The following TUB variants were observed in gnomAD, a reference collection of about 807,000 sequenced individuals.
TUB encodes the protein tubby protein homolog.
TUB carries 33 observed loss-of-function variants against 59.7 expected under a neutral mutation model. That is an observed-to-expected ratio of 0.55 (90% CI 0.42 to 0.74). The LOEUF is 0.74. Ranked by LOEUF, TUB falls within the 30% of genes least tolerant of loss-of-function variation. The probability of loss-of-function intolerance (pLI) is 0.00; values close to 1 mark genes in which losing one functional copy is unlikely to be tolerated. For missense variants in TUB, 659 were observed against 672.0 expected (o/e 0.98, Z 0.21); for synonymous variants, 293 against 256.4 (o/e 1.14, Z -1.36).
At chr11:8,032,103 C>G in intron 1 of TUB, among the ~76,000 whole-genome samples, 1 of 151,906 alleles carries the variant, frequency 6.6e-6, no homozygotes, top group South Asian at 2.1e-4. Context: ...GGTGAGTGTC[C>G]CGCCTGGGGA....
At chr11:8,077,528 A>G (rs1427042138), upstream of TUB, 2 of 152,254 alleles carry the variant, frequency 1.3e-5, no homozygotes, top group Non-Finnish European at 2.9e-5. Context: ...ACCCTAGCAC[A>G]GTGCCCGGTC....
At chr11:8,089,728 G>A in intron 2 of TUB, 67 bp downstream of exon 2, 1 of 1,591,932 alleles carries the variant, frequency 6.3e-7, no homozygotes, top group Admixed American at 1.7e-5. Flanking sequence ...CAGAGGGGCA[G>A]GGCTGTCCAT....
In TUB at chr11:8,019,345, TG is replaced by T; in HGVS notation, c.45del (p.Trp15Ter). ...CCACCGGACCCTGTCTTACAGCCGC[TG>T]GAGCTATGACAGGTAGGGCGCCCGA... On this transcript the variant is annotated frameshift_variant, in exon 1 of 12. Coordinates refer to the TUB transcript ENST00000534099. LOFTEE classifies it high-confidence loss of function. The T allele has an allele frequency of 7.8e-7, 1 of 1,276,778 alleles. No homozygotes were observed. 79.1% of individuals were successfully genotyped at this position (1,276,778 alleles called of 1,614,324 possible).
chr11:8,058,019 G>A (rs1270626762), intron 2 of TUB, among the ~76,000 whole-genome samples: 1 of 151,944 alleles, frequency 6.6e-6, no homozygotes, highest in African/African-American at 2.4e-5. Flanking sequence ...AGACCAGCCT[G>A]GGCAACATGG....
intron 2 of TUB, among the ~76,000 whole-genome samples, chr11:8,047,425 G>C (rs1942852303): frequency 6.6e-6 from 1 of 152,174 alleles, no homozygotes; most frequent in Admixed American, 6.5e-5. Context: ...AACGTATCTT[G>C]CTTAGCTCAG....
At chr11:8,056,793 G>A (rs73396753) in intron 2 of TUB, among the ~76,000 whole-genome samples, 1,563 of 152,096 alleles carry the variant, frequency 0.01, 22 homozygotes, top group African/African-American at 0.033. Context: ...GATGTGGTTT[G>A]GGAGGGTGAG....
At chr11:8,052,651 A>G (rs1472671717) in intron 2 of TUB, among the ~76,000 whole-genome samples, 1 of 151,628 alleles carries the variant, frequency 6.6e-6, no homozygotes, top group Admixed American at 6.6e-5. Flanking sequence ...TTGTTTTTGT[A>G]TTTTTAGTAG....
chr11:8,061,014 G>A (rs1173705146), intron 2 of TUB, among the ~76,000 whole-genome samples: 1 of 152,212 alleles, frequency 6.6e-6, no homozygotes, highest in Non-Finnish European at 1.5e-5. Context: ...CCTGCTGGCT[G>A]GCTCGTCCCC....
Position 8,064,041 on chromosome 11 carries a change from G to A in TUB, c.203+24349G>A, listed in dbSNP as rs533861483. Among the ~76,000 whole-genome samples, 11 of 152,278 alleles carry A rather than the reference G, an allele frequency of 7.2e-5. No individual in the cohort carries two copies. In the East Asian group the frequency reaches 1.4e-3, roughly 19 times the overall value. ...TGTCCCACAGGGATATGGCAGGATC[G>A]GTTCTGAGTCTAAGAGCTGGATCAG... On this transcript the variant is annotated intron_variant, in intron 2 of 12. Transcript: ENST00000305253.
At chr11:8,062,512 TGTGC>T (rs1298710020) in intron 2 of TUB, among the ~76,000 whole-genome samples, 1 of 12,242 alleles carries the variant, frequency 8.2e-5, no homozygotes, top group Non-Finnish European at 1.8e-4. Flanking sequence ...TGAAGGTTTG[TGTGC>T]GTGTGTGTGT....
rs142823236 is a variant in TUB at position 8,090,185 on chromosome 11, C to T, written c.207C>T (p.Pro69=). Residue 69 remains proline (P), a synonymous_variant, in exon 3 of 12, where the codon CCC becomes CCT. Transcript: ENST00000299506. ...CCCGGCAGTCAGAGGAACAAGCCCC[C>T]CTGGTGGAGTCCTACCTCAGCAGCA... The part of the protein sequence containing the change: ...RRARQSEEQA[P]LVESYLSSSG... 148 of 1,613,670 alleles carry T rather than the reference C, an allele frequency of 9.2e-5. No individual in the cohort carries two copies. Among genetic ancestry groups the T allele is most frequent in the Non-Finnish European group, 1.2e-4 (136 of 1,179,984 alleles).
upstream of TUB, among the ~76,000 whole-genome samples, chr11:8,080,123 G>C (rs1475382108): frequency 6.6e-6 from 1 of 152,210 alleles, no homozygotes; most frequent in Non-Finnish European, 1.5e-5. Context: ...CCCCTTGGCT[G>C]TTCTCACACT....
chr11:8,069,576 A>G (rs902899370), intron 2 of TUB, among the ~76,000 whole-genome samples: 1 of 152,056 alleles, frequency 6.6e-6, no homozygotes, highest in Non-Finnish European at 1.5e-5. Context: ...TGCTCCTCTC[A>G]TTAGCCGTCA....
At position 8,089,674 on chromosome 11, in the gene TUB, G is replaced by A; in HGVS notation, c.90+13G>A. 3 of 1,614,168 alleles carry A rather than the reference G, an allele frequency of 1.9e-6. No homozygotes were observed. Among genetic ancestry groups the A allele is most frequent in the Non-Finnish European group, 2.5e-6 (3 of 1,180,010 alleles). On this transcript the variant is annotated intron_variant, in intron 2 of 11. Transcript: ENST00000299506. ...GCTTGATCGGCAGGTGAGTAGGCCT[G>A]GGGCCGGGTAGAAGGGAAGAGTCTG...
chr11:8,075,428 T>C (rs193011604), intron 2 of TUB: 2 of 152,322 alleles, frequency 1.3e-5, no homozygotes, highest in East Asian at 3.9e-4. Context: ...AGTTGCTTCA[T>C]TTGTAAAATG....
Position 8,105,858 on chromosome 11 carries a change from C to T in TUB, c.*4239C>T, listed in dbSNP as rs1944570367. ...AGATGAGGCTGAGATCCAGAGTTTC[C>T]TAGAACGCAACTTAGGATGGCTAGG... On this transcript the variant is annotated 3_prime_UTR_variant, in exon 12 of 12. Coordinates refer to ENST00000299506, the MANE Select transcript of TUB (RefSeq NM_177972.3). 6.6e-6 allele frequency: 1 copy of T among 152,134 alleles called. No individual in the cohort carries two copies. Among genetic ancestry groups the T allele is most frequent in the African/African-American group, 2.4e-5 (1 of 41,430 alleles). 9.4% of individuals were successfully genotyped at this position (152,134 alleles called of 1,614,324 possible).
chr11:8,101,456 TTC>T, intron 11 of TUB, 28 bp from the exon 12 acceptor site: 1 of 1,600,134 alleles, frequency 6.2e-7, no homozygotes, highest in Non-Finnish European at 8.5e-7. Context: ...TCCTGTCCTT[TTC>T]TCTGTCTGTG....
intron 11 of TUB, 24 bp from the exon 12 acceptor site, chr11:8,101,459 TCTG>T: frequency 9.7e-7 from 1 of 1,028,688 alleles, no homozygotes. Flanking sequence ...TGTCCTTTTC[TCTG>T]TCTGTGCCTG....
At chr11:8,022,900 CA>C (rs1185969653) in intron 1 of TUB, among the ~76,000 whole-genome samples, 2 of 152,058 alleles carry the variant, frequency 1.3e-5, no homozygotes, top group Admixed American at 6.6e-5. Context: ...GTCTCAAAAA[CA>C]AAACAAAACA....
Sources: gnomAD v4.1 joint callset for allele counts (sites outside exome capture counted in the v4.1 genomes callset) on GRCh38, gnomAD v4.1.1 for gene constraint, MANE v1.5 for transcripts, NCBI Gene and HGNC (gene_info 2026-07-23, HGNC 2026-07-21) for gene names.